CENPP: variants seen among roughly 807,000 people sequenced by gnomAD.
CENPP encodes the protein centromere protein P.
In CENPP, 24 loss-of-function variants were observed where a neutral mutation model predicts 35.6. That is an observed-to-expected ratio of 0.67 (90% CI 0.49 to 0.95). CENPP has a LOEUF of 0.95. CENPP is among the 40% of genes least tolerant of loss of function. CENPP has a pLI of 0.00. For missense variants in CENPP, 332 were observed against 345.3 expected (o/e 0.96, Z 0.31); for synonymous variants, 120 against 125.5 (o/e 0.96, Z 0.29).
At chr9:92,440,956 A>T (rs1420012122) in intron 5 of CENPP, among the ~76,000 whole-genome samples, 2 of 152,188 alleles carry the variant, frequency 1.3e-5, no homozygotes, top group Non-Finnish European at 2.9e-5. Context: ...CAATTTTACC[A>T]TAGGCTAATT....
At chr9:92,483,260 A>C (rs1434763469) in intron 5 of CENPP, among the ~76,000 whole-genome samples, 1 of 146,542 alleles carries the variant, frequency 6.8e-6, no homozygotes, top group Non-Finnish European at 1.5e-5. Flanking sequence ...ACGGAGTCTC[A>C]CTCTGTCACC....
chr9:92,352,667 C>G (rs550849042), intron 4 of CENPP, among the ~76,000 whole-genome samples: 2 of 150,798 alleles, frequency 1.3e-5, no homozygotes, highest in East Asian at 3.9e-4. Flanking sequence ...ATTCAGTGTT[C>G]AAGGACAGGA....
At chr9:92,610,238 T>C (rs1323856206) in intron 5 of CENPP, among the ~76,000 whole-genome samples, 1 of 152,144 alleles carries the variant, frequency 6.6e-6, no homozygotes, top group African/African-American at 2.4e-5. Context: ...GTATTTTTAC[T>C]AGAGACAGGG....
intron 5 of CENPP, among the ~76,000 whole-genome samples, chr9:92,588,393 G>A (rs1310720303): frequency 1.3e-5 from 2 of 150,852 alleles, no homozygotes; most frequent in East Asian, 2.0e-4. Context: ...GACTACAGAC[G>A]CCCGGCACCA....
In CENPP at chr9:92,498,497, CTTAA is replaced by C. The variant is rs1316949633; in HGVS notation, c.565-112814_565-112811del. On this transcript the variant is annotated intron_variant, in intron 5 of 7. Coordinates refer to ENST00000375587, the MANE Select transcript of CENPP (RefSeq NM_001012267.3). ...AGACAATCATAGAAGTAAGACTTCT[CTTAA>C]TTCAACTTCTTACACAGTTTTGACT... 4.6e-5 allele frequency among the ~76,000 whole-genome samples: 7 copies of C among 152,054 alleles called. No homozygotes were observed. In the East Asian group the frequency reaches 1.2e-3, roughly 25 times the overall value.
At chr9:92,443,376 ACT>A (rs1844470281) in intron 5 of CENPP, among the ~76,000 whole-genome samples, 1 of 152,176 alleles carries the variant, frequency 6.6e-6, no homozygotes, top group South Asian at 2.1e-4. Context: ...ACCTGGGGTA[ACT>A]CTAAAAAAAA....
chr9:92,422,694 G>A (rs1367801532), intron 5 of CENPP, among the ~76,000 whole-genome samples: 3 of 152,114 alleles, frequency 2.0e-5, no homozygotes, highest in Non-Finnish European at 4.4e-5. Flanking sequence ...ATTAAGTGCA[G>A]TTTTCTGTTT....
chr9:92,477,574 G>T (rs1845756237), intron 5 of CENPP, among the ~76,000 whole-genome samples: 1 of 152,104 alleles, frequency 6.6e-6, no homozygotes, highest in Non-Finnish European at 1.5e-5. Flanking sequence ...GTCATTTAAG[G>T]TCCTGTTTCT....
intron 5 of CENPP, among the ~76,000 whole-genome samples, chr9:92,449,705 G>C (rs1032434587): frequency 9.2e-5 from 14 of 151,962 alleles, no homozygotes; most frequent in African/African-American, 3.4e-4. Context: ...TCTCATGATA[G>C]TAAGTGAGTT....
At chr9:92,515,073 T>G in intron 5 of CENPP, 1 of 1,614,166 alleles carries the variant, frequency 6.2e-7, no homozygotes, top group Non-Finnish European at 8.5e-7. Flanking sequence ...TTCTTACTAT[T>G]CGGTCCATTC....
intron 5 of CENPP, chr9:92,459,894 T>G: frequency 1.3e-6 from 1 of 754,608 alleles, no homozygotes; most frequent in South Asian, 2.9e-5. Context: ...TCAAAGATAT[T>G]TCATTACTTT....
chr9:92,461,754 G>A (rs1256550693), intron 5 of CENPP, among the ~76,000 whole-genome samples: 1 of 152,008 alleles, frequency 6.6e-6, no homozygotes, highest in Non-Finnish European at 1.5e-5. Context: ...TTTATTAGCT[G>A]GAATTCTTCT....
At chr9:92,530,606 T>C (rs1208239064) in intron 5 of CENPP, among the ~76,000 whole-genome samples, 2 of 152,226 alleles carry the variant, frequency 1.3e-5, no homozygotes, top group African/African-American at 4.8e-5. Flanking sequence ...TATATCTTTC[T>C]GGTGCATTTA....
intron 5 of CENPP, among the ~76,000 whole-genome samples, chr9:92,407,946 TG>T (rs1353287603): frequency 1.3e-5 from 2 of 152,180 alleles, no homozygotes; most frequent in Non-Finnish European, 2.9e-5. Flanking sequence ...GTGTACCATT[TG>T]TCTGTTGGCA....
chr9:92,588,990 T>C (rs2131373904), intron 5 of CENPP, among the ~76,000 whole-genome samples: 1 of 152,260 alleles, frequency 6.6e-6, no homozygotes, highest in East Asian at 1.9e-4. Flanking sequence ...ATAGCTCTGC[T>C]TAATATGCAA....
At chr9:92,560,812 A>G (rs1482742407) in intron 5 of CENPP, among the ~76,000 whole-genome samples, 1 of 151,170 alleles carries the variant, frequency 6.6e-6, no homozygotes, top group African/African-American at 2.4e-5. Flanking sequence ...AGAAAACTGC[A>G]GTCTCAAAAG....
chr9:92,610,421 A>C (rs1851206434), intron 5 of CENPP: 1 of 152,334 alleles, frequency 6.6e-6, no homozygotes, highest in East Asian at 1.9e-4. Flanking sequence ...TTGAATATGT[A>C]TCATCTGTTC....
At chr9:92,456,535 G>A (rs1458935756) in intron 5 of CENPP, 1 of 152,314 alleles carries the variant, frequency 6.6e-6, no homozygotes, top group Non-Finnish European at 1.5e-5. Flanking sequence ...GCTATTAAAA[G>A]CTTATAATAG....
chr9:92,577,129 A>G (rs575677755), intron 5 of CENPP, among the ~76,000 whole-genome samples: 1 of 152,346 alleles, frequency 6.6e-6, no homozygotes, highest in African/African-American at 2.4e-5. Flanking sequence ...AAAAATACTT[A>G]GACATTATCT....
Sources: allele counts gnomAD v4.1 joint callset (sites outside exome capture counted in the v4.1 genomes callset), GRCh38; gene constraint gnomAD v4.1.1; transcripts MANE v1.5; gene names NCBI Gene and HGNC (gene_info 2026-07-23, HGNC 2026-07-21).